The following ADD2 variants were observed in gnomAD, a reference collection of about 807,000 sequenced individuals.
ADD2 encodes the protein adducin 2.
Under a neutral mutation model 83.0 loss-of-function variants are expected in ADD2, and 23 were observed. That is an observed-to-expected ratio of 0.28 (90% CI 0.20 to 0.39). The LOEUF (loss-of-function observed/expected upper bound fraction) is 0.39. Ranked by LOEUF, ADD2 falls within the 10% of genes least tolerant of loss-of-function variation. The pLI is 1.00. For missense variants in ADD2, 758 were observed against 944.9 expected (o/e 0.80, Z 2.59); for synonymous variants, 375 against 375.4 (o/e 1.00, Z 0.01).
At chr2:70,767,548 G>A (rs1403439019) in intron 1 of ADD2, 23 of 921,616 alleles carry the variant, frequency 2.5e-5, no homozygotes, top group African/African-American at 3.5e-5. Flanking sequence ...GGCCCCGCCC[G>A]GCTAGGCGAG....
In ADD2 at chr2:70,658,944, A is replaced by G. The variant is rs992674492; in HGVS notation, c.*4481T>C. 1 of 152,090 alleles carries G rather than the reference A, an allele frequency of 6.6e-6. No individual in the cohort carries two copies. Among genetic ancestry groups the G allele is most frequent in the Non-Finnish European group, 1.5e-5 (1 of 68,014 alleles). 9.4% of individuals were successfully genotyped at this position (152,090 alleles called of 1,614,324 possible). ...TGGATCACGAGGTCAGGAGTTCAAG[A>G]CCAGCCTGGCCAACATGGTGAAACC... On this transcript the variant is annotated 3_prime_UTR_variant, in exon 16 of 16. Transcript: ENST00000264436.
intron 1 of ADD2, among the ~76,000 whole-genome samples, chr2:70,731,405 T>C (rs1673274833): frequency 6.6e-6 from 1 of 152,174 alleles, no homozygotes; most frequent in African/African-American, 2.4e-5. Flanking sequence ...GCAAAGACCA[T>C]GTGCGATTAG....
At chr2:70,749,983 A>T (rs564309923) in intron 1 of ADD2, among the ~76,000 whole-genome samples, 1 of 152,238 alleles carries the variant, frequency 6.6e-6, no homozygotes, top group Admixed American at 6.5e-5. Flanking sequence ...CAGACAAAAG[A>T]CTTTCCTGTC....
chr2:70,690,710 G>T lies in ADD2; in HGVS notation c.849+76C>A. ...CTCTCTCCCTCCCTTATTGTCCAAT[G>T]AACATATGTCACTTTTGTGATGTTG... On this transcript the variant is annotated intron_variant, in intron 8 of 15. Coordinates refer to ENST00000264436, the MANE Select transcript of ADD2 (RefSeq NM_001617.4). 5 of 1,503,030 alleles carry T rather than the reference G, an allele frequency of 3.3e-6. No homozygotes were observed. In the South Asian group the frequency reaches 5.4e-5, roughly 16 times the overall value. 93.1% of individuals were successfully genotyped at this position (1,503,030 alleles called of 1,614,324 possible).
intron 4 of ADD2, 58 bp downstream of exon 4, chr2:70,704,263 T>TGGCCCCCCCCCCCCACCC: frequency 3.3e-6 from 3 of 913,236 alleles, no homozygotes; most frequent in Non-Finnish European, 5.1e-6. Flanking sequence ...CTCCCTCTCT[T>TGGCCCCCCCCCCCCACCC]CCCCACCCCA....
chr2:70,704,079 C>A (rs1671753946), intron 4 of ADD2, among the ~76,000 whole-genome samples: 1 of 152,136 alleles, frequency 6.6e-6, no homozygotes, highest in Admixed American at 6.5e-5. Flanking sequence ...CCACTGAAGT[C>A]ACCTCCACCC....
intron 6 of ADD2, among the ~76,000 whole-genome samples, chr2:70,693,556 C>T (rs1396782398): frequency 2.6e-5 from 4 of 152,140 alleles, no homozygotes; most frequent in Admixed American, 2.6e-4. Flanking sequence ...CTGGCGTTTG[C>T]TTACACAGAA....
intron 1 of ADD2, among the ~76,000 whole-genome samples, chr2:70,721,209 A>G (rs1223099163): frequency 6.6e-6 from 1 of 152,188 alleles, no homozygotes; most frequent in Non-Finnish European, 1.5e-5. Flanking sequence ...TTTTCCTTAC[A>G]TTCTCACAGT....
intron 15 of ADD2, among the ~76,000 whole-genome samples, chr2:70,665,961 G>A (rs1238589323): frequency 2.6e-5 from 4 of 152,030 alleles, no homozygotes; most frequent in Admixed American, 1.3e-4. Context: ...GATTACAGGT[G>A]CCCACTACCA....
intron 15 of ADD2, among the ~76,000 whole-genome samples, chr2:70,666,592 A>G (rs1295182790): frequency 1.3e-5 from 2 of 152,184 alleles, no homozygotes; most frequent in Non-Finnish European, 2.9e-5. Flanking sequence ...GAAGACAACT[A>G]TGGATAAGAG....
At chr2:70,695,898 C>A in intron 5 of ADD2, 97 bp from the exon 6 acceptor site, 1 of 1,047,014 alleles carries the variant, frequency 9.6e-7, no homozygotes, top group South Asian at 1.4e-5. Flanking sequence ...ATCTACTGCA[C>A]CCAAGTCCAT....
chr2:70,749,177 C>A (rs1269219329), intron 1 of ADD2, among the ~76,000 whole-genome samples: 2 of 152,096 alleles, frequency 1.3e-5, no homozygotes, highest in Non-Finnish European at 2.9e-5. Context: ...AGGGGAAATG[C>A]CAGATGCTTA....
intron 1 of ADD2, among the ~76,000 whole-genome samples, chr2:70,767,077 A>G (rs1675422865): frequency 6.6e-6 from 1 of 152,158 alleles, no homozygotes; most frequent in Non-Finnish European, 1.5e-5. Context: ...TCTGCATCCT[A>G]AAGCAGTCTG....
chr2:70,695,982 A>T (rs1671286727), intron 5 of ADD2, among the ~76,000 whole-genome samples, 181 bp from the exon 6 acceptor site: 1 of 152,186 alleles, frequency 6.6e-6, no homozygotes, highest in East Asian at 1.9e-4. Context: ...GGAGCAGGAG[A>T]AAGGGAGCTA....
chr2:70,767,858 C>T, intron 1 of ADD2, 28 bp downstream of exon 1: 1 of 1,535,370 alleles, frequency 6.5e-7, no homozygotes, highest in Non-Finnish European at 8.7e-7. Flanking sequence ...CCCAGGCAGC[C>T]CACCAGGCCC....
intron 1 of ADD2, among the ~76,000 whole-genome samples, chr2:70,754,916 T>C (rs1674695073): frequency 6.6e-6 from 1 of 152,098 alleles, no homozygotes; most frequent in Non-Finnish European, 1.5e-5. Context: ...AACTCTACTT[T>C]TCCCATCTCT....
At chr2:70,704,263 T>TCCCCCCCCCCACCC in intron 4 of ADD2, 58 bp downstream of exon 4, 1 of 913,238 alleles carries the variant, frequency 1.1e-6, no homozygotes, top group Non-Finnish European at 1.7e-6. Context: ...CTCCCTCTCT[T>TCCCCCCCCCCACCC]CCCCACCCCA....
At chr2:70,725,259 G>C (rs1476214504) in intron 1 of ADD2, among the ~76,000 whole-genome samples, 1 of 152,336 alleles carries the variant, frequency 6.6e-6, no homozygotes, top group East Asian at 1.9e-4. Flanking sequence ...TTATTTGACA[G>C]TTTACAGTCA....
chr2:70,669,086 C>T (rs575781350), intron 15 of ADD2, among the ~76,000 whole-genome samples: 1 of 152,280 alleles, frequency 6.6e-6, no homozygotes, highest in South Asian at 2.1e-4. Context: ...GCTGGGCACT[C>T]ATGCAGCAAC....
Sources: gnomAD v4.1 joint callset for allele counts (sites outside exome capture counted in the v4.1 genomes callset) on GRCh38, gnomAD v4.1.1 for gene constraint, MANE v1.5 for transcripts, NCBI Gene and HGNC (gene_info 2026-07-23, HGNC 2026-07-21) for gene names.